Variants in CSMD1 observed in about 807,000 individuals in gnomAD.
CSMD1 encodes CUB and sushi domain-containing protein 1.
Under a neutral mutation model 417.5 loss-of-function variants are expected in CSMD1, and 213 were observed. That is an observed-to-expected ratio of 0.51 (90% CI 0.46 to 0.57). The LOEUF (loss-of-function observed/expected upper bound fraction) is 0.57. CSMD1 is among the 20% of genes least tolerant of loss of function. The pLI is 0.00. For missense variants in CSMD1, 6,923 were observed against 4,529.7 expected, an observed-to-expected ratio of 1.53 and a Z score of -15.17; for synonymous variants, 2,862 against 1,736.8, an observed-to-expected ratio of 1.65 and a Z score of -16.11.
At chr8:4,067,397 G>C (rs2740872) in intron 3 of CSMD1, among the ~76,000 whole-genome samples, 76,343 of 151,982 alleles carry the variant, frequency 0.5, 19,720 homozygotes, top group East Asian at 0.8. Flanking sequence ...TAGAAAAACA[G>C]TATTTCCTAG....
intron 2 of CSMD1, among the ~76,000 whole-genome samples, chr8:4,633,257 G>GTT (rs201763174): frequency 1.2e-3 from 182 of 150,494 alleles, no homozygotes; most frequent in African/African-American, 4.1e-3. Context: ...TTGTTTCTTT[G>GTT]TTTTTTTTTG....
At chr8:3,810,708 A>G (rs562637039) in intron 5 of CSMD1, among the ~76,000 whole-genome samples, 62 of 152,328 alleles carry the variant, frequency 4.1e-4, no homozygotes, top group African/African-American at 1.3e-3. Flanking sequence ...TATCTCTTGT[A>G]AAACATTGAA....
chr8:3,632,840 G>C (rs968860651), intron 7 of CSMD1, among the ~76,000 whole-genome samples: 1 of 152,170 alleles, frequency 6.6e-6, no homozygotes, highest in East Asian at 1.9e-4. Flanking sequence ...CCCCTTCAGA[G>C]ATTATGTTCC....
intron 3 of CSMD1, among the ~76,000 whole-genome samples, chr8:4,212,174 T>TTATATATATATA (rs10682206): frequency 7.7e-4 from 112 of 145,744 alleles, no homozygotes; most frequent in African/African-American, 2.5e-3. Context: ...ACTTCCCTAT[T>TTATATATATATA]TATATATATA....
intron 23 of CSMD1, among the ~76,000 whole-genome samples, chr8:3,331,063 C>A (rs1360672456): frequency 6.6e-6 from 1 of 151,826 alleles, no homozygotes; most frequent in African/African-American, 2.4e-5. Flanking sequence ...ACAGTGAAAC[C>A]CCATCTCTAC....
At chr8:3,861,434 G>C (rs371696150) in intron 5 of CSMD1, among the ~76,000 whole-genome samples, 1 of 152,170 alleles carries the variant, frequency 6.6e-6, no homozygotes, top group African/African-American at 2.4e-5. Flanking sequence ...ATCTGACTGG[G>C]GGTACTATGA....
At chr8:3,450,655 C>T (rs771782199) in intron 12 of CSMD1, among the ~76,000 whole-genome samples, 10 of 151,904 alleles carry the variant, frequency 6.6e-5, no homozygotes, top group Admixed American at 5.2e-4. Context: ...CATCATTTTT[C>T]ATGGCTGCGT....
chr8:3,846,593 A>G (rs752171709), intron 5 of CSMD1, among the ~76,000 whole-genome samples: 1 of 152,312 alleles, frequency 6.6e-6, no homozygotes, highest in Non-Finnish European at 1.5e-5. Flanking sequence ...TTTAAAATAA[A>G]TATTCACAAA....
intron 2 of CSMD1, among the ~76,000 whole-genome samples, chr8:4,578,331 C>CTTTTTTTTTTTTTTTTTTTTTTT (rs1799238185): frequency 1.8e-5 from 1 of 54,354 alleles, no homozygotes; most frequent in African/African-American, 9.8e-5. Flanking sequence ...ACACCCGGCT[C>CTTTTTTTTTTTTTTTTTTTTTTT]ATTTTTTTTT....
At chr8:4,409,938 C>G (rs981746787) in intron 3 of CSMD1, among the ~76,000 whole-genome samples, 5 of 151,500 alleles carry the variant, frequency 3.3e-5, no homozygotes, top group African/African-American at 9.7e-5. Flanking sequence ...CTCAGCTTCC[C>G]AAGTAGCTGG....
At chr8:3,245,800 G>A (rs760825702) in intron 26 of CSMD1, among the ~76,000 whole-genome samples, 1 of 152,130 alleles carries the variant, frequency 6.6e-6, no homozygotes. Flanking sequence ...CTCTTGCTAG[G>A]GGACTAGTTA....
chr8:4,964,502 C>CAA lies in CSMD1; in HGVS notation c.85+29828_85+29829dup, dbSNP rs10622416. 4.3e-3 allele frequency among the ~76,000 whole-genome samples: 456 copies of CAA among 105,838 alleles called. 10 individuals are homozygous for CAA. The highest frequency in any genetic ancestry group is 8.6e-3 in the African/African-American group (225 of 26,266). The allele number at this position is 105,838 out of a possible 152,430, so 69.4% of individuals were successfully genotyped here. On this transcript the variant is annotated intron_variant, in intron 1 of 69. Coordinates refer to ENST00000635120, the MANE Select transcript of CSMD1 (RefSeq NM_033225.6). ...TCACAACACAGCAAGACCCTGTCTC[C>CAA]AAAAAAAAAAAAAAAAAAAAAAAGG...
intron 64 of CSMD1, among the ~76,000 whole-genome samples, chr8:2,954,953 G>C (rs1802896537): frequency 1.3e-5 from 2 of 152,200 alleles, no homozygotes; most frequent in Non-Finnish European, 2.9e-5. Flanking sequence ...GGTTTATGCT[G>C]TTTAGACTCC....
At chr8:4,742,988 G>A (rs777199277) in intron 1 of CSMD1, among the ~76,000 whole-genome samples, 5 of 152,186 alleles carry the variant, frequency 3.3e-5, no homozygotes, top group African/African-American at 1.2e-4. Flanking sequence ...ATGGTCAACT[G>A]TCAACCACAT....
intron 25 of CSMD1, among the ~76,000 whole-genome samples, chr8:3,304,326 C>T (rs953797376): frequency 6.6e-6 from 1 of 151,928 alleles, no homozygotes; most frequent in Non-Finnish European, 1.5e-5. Context: ...AGTAACCATG[C>T]AAGCTAATAT....
At chr8:3,915,574 A>G (rs1484293759) in intron 5 of CSMD1, among the ~76,000 whole-genome samples, 1 of 150,260 alleles carries the variant, frequency 6.7e-6, no homozygotes, top group African/African-American at 2.4e-5. Flanking sequence ...ATTCTATAAT[A>G]GTCAGACATT....
intron 26 of CSMD1, among the ~76,000 whole-genome samples, chr8:3,266,676 A>G (rs1400522857): frequency 2.0e-5 from 3 of 148,714 alleles, no homozygotes; most frequent in Non-Finnish European, 3.0e-5. Context: ...TCAGGAGGCT[A>G]AGGCAGGAGA....
chr8:3,504,158 T>C lies in CSMD1; in HGVS notation c.1345-10432A>G, dbSNP rs547759849. On this transcript the variant is annotated intron_variant, in intron 10 of 69. Coordinates refer to ENST00000635120, the MANE Select transcript of CSMD1 (RefSeq NM_033225.6). ...GTGATGAATATGTTAATTCCCATGA[T>C]TTGATCAATGACACACTGTATACCA... Among the ~76,000 whole-genome samples the C allele has an allele frequency of 6.6e-5, 10 of 152,262 alleles. No homozygotes were observed. In the East Asian group the frequency reaches 1.2e-3, roughly 18 times the overall value.
chr8:3,145,932 C>G (rs902771069), intron 40 of CSMD1, among the ~76,000 whole-genome samples: 1 of 152,178 alleles, frequency 6.6e-6, no homozygotes, highest in African/African-American at 2.4e-5. Flanking sequence ...TTGGCATTGA[C>G]AAAACTTTGA....
Sources: gnomAD v4.1 joint callset for allele counts (sites outside exome capture counted in the v4.1 genomes callset) on GRCh38, gnomAD v4.1.1 for gene constraint, MANE v1.5 for transcripts, NCBI Gene and HGNC (gene_info 2026-07-23, HGNC 2026-07-21) for gene names.